Variants in SMAP2 observed in about 807,000 individuals in gnomAD.
The protein encoded by SMAP2 is stromal membrane-associated protein 2.
In SMAP2, 25 loss-of-function variants were observed where a neutral mutation model predicts 56.4. The ratio of observed to expected loss-of-function variants is 0.44; its 90% CI spans 0.32 to 0.62. The LOEUF (loss-of-function observed/expected upper bound fraction) is 0.62, where lower values mean the gene tolerates loss of function less well. Ranked by LOEUF, SMAP2 falls within the 20% of genes least tolerant of loss-of-function variation. SMAP2 has a pLI of 0.04. For missense variants in SMAP2, 388 were observed against 545.6 expected (o/e 0.71, Z 2.88); for synonymous variants, 157 against 181.7 (o/e 0.86, Z 1.09).
intron 9 of SMAP2, among the ~76,000 whole-genome samples, chr1:40,419,773 G>A (rs1176500353): frequency 3.3e-5 from 5 of 152,220 alleles, no homozygotes; most frequent in African/African-American, 9.6e-5. Context: ...AATACAAAGT[G>A]ATTTAATGTG....
rs368853654 is a variant in SMAP2, at chr1:40,406,886, T to G, written c.237+17T>G. 4.2e-5 allele frequency: 67 copies of G among 1,597,356 alleles called. No individual in the cohort carries two copies. The highest frequency in any genetic ancestry group is 5.6e-5 in the Non-Finnish European group (66 of 1,169,238). ...CAGATTCAGGTACTTAGCCCAAGAG[T>G]GAGTCAGCTGCTTCCATATATCTAT... On this transcript the variant is annotated intron_variant, in intron 2 of 9. Transcript: ENST00000372718.
intron 1 of SMAP2, among the ~76,000 whole-genome samples, chr1:40,389,011 G>C (rs1644690027): frequency 6.6e-6 from 1 of 151,928 alleles, no homozygotes; most frequent in Non-Finnish European, 1.5e-5. Flanking sequence ...AACCCCACCA[G>C]AAGGAAGAAA....
At chr1:40,380,986 A>C (rs1644592946) in intron 1 of SMAP2, among the ~76,000 whole-genome samples, 3 of 152,216 alleles carry the variant, frequency 2.0e-5, no homozygotes, top group Admixed American at 2.0e-4. Flanking sequence ...TCATGGTTAG[A>C]TTGATAGTTT....
In SMAP2 at chr1:40,399,701, C is replaced by CA. The variant is rs35452622; in HGVS notation, c.104-7022dup. On this transcript the variant is annotated intron_variant, in intron 1 of 9. Coordinates refer to ENST00000372718, the MANE Select transcript of SMAP2 (RefSeq NM_022733.3). ...TGGGTGAGAGAGTAAGACCCTGTCTCAAAAAAAAAAAAAGAAAAGAAAAGA... is the reference window on the plus strand; with the variant it reads ...TGGGTGAGAGAGTAAGACCCTGTCTCAAAAAAAAAAAAAAGAAAAGAAAAGA... Among the ~76,000 whole-genome samples, 58 of 116,472 alleles carry CA rather than the reference C, an allele frequency of 5.0e-4. 1 individual carries two copies. Among genetic ancestry groups the CA allele is most frequent in the South Asian group, 4.1e-3 (14 of 3,438 alleles). The allele number at this position is 116,472 out of a possible 152,430, so 76.4% of individuals were successfully genotyped here. A position where few individuals can be genotyped will look rare whatever the true frequency, so the allele number is the denominator to read the frequency against.
chr1:40,372,090 T>C (rs530358805), upstream of SMAP2, among the ~76,000 whole-genome samples: 84 of 152,294 alleles, frequency 5.5e-4, no homozygotes, highest in Non-Finnish European at 9.7e-4. Flanking sequence ...CTAAAGGATT[T>C]TTTAAGCAGG....
At chr1:40,348,415 C>T (rs897220637) in intron 1 of SMAP2, among the ~76,000 whole-genome samples, 1 of 152,088 alleles carries the variant, frequency 6.6e-6, no homozygotes, top group Admixed American at 6.6e-5. Flanking sequence ...TAATTTTAGG[C>T]CAGGCACAGT....
intron 1 of SMAP2, among the ~76,000 whole-genome samples, chr1:40,360,404 A>G (rs1383368314): frequency 1.3e-5 from 2 of 148,714 alleles, no homozygotes; most frequent in Non-Finnish European, 3.0e-5. Context: ...CTCAGGTTCA[A>G]GTGATTCTCC....
intron 1 of SMAP2, among the ~76,000 whole-genome samples, chr1:40,387,982 G>T (rs1644676391): frequency 6.6e-6 from 1 of 152,154 alleles, no homozygotes; most frequent in Non-Finnish European, 1.5e-5. Context: ...GGCAATGAGG[G>T]GCTTAGCACC....
At chr1:40,396,819 C>A in intron 1 of SMAP2, 2 of 984,936 alleles carry the variant, frequency 2.0e-6, no homozygotes, top group Non-Finnish European at 2.4e-6. Context: ...TTCCAAGATC[C>A]CACTGGTGTT....
intron 1 of SMAP2, among the ~76,000 whole-genome samples, chr1:40,376,657 A>T (rs1177146174): frequency 6.6e-6 from 1 of 152,230 alleles, no homozygotes; most frequent in Admixed American, 6.5e-5. Flanking sequence ...AGACGTTTGG[A>T]TCAATAAATT....
chr1:40,346,012 G>T (rs1569808777), intron 1 of SMAP2, among the ~76,000 whole-genome samples: 1 of 103,740 alleles, frequency 9.6e-6, no homozygotes, highest in Non-Finnish European at 1.8e-5. Context: ...AGGTCTTGCT[G>T]TGTTGAGACC....
At chr1:40,358,927 T>C (rs1220208494) in intron 1 of SMAP2, among the ~76,000 whole-genome samples, 1 of 152,190 alleles carries the variant, frequency 6.6e-6, no homozygotes, top group Non-Finnish European at 1.5e-5. Flanking sequence ...GATATATACA[T>C]CCTCTTGCTG....
intron 6 of SMAP2, 28 bp from the exon 7 acceptor site, chr1:40,415,244 G>C (rs1461693419): frequency 6.5e-7 from 1 of 1,537,396 alleles, no homozygotes. Flanking sequence ...AAGCAGTGCT[G>C]CATCTTAACT....
At chr1:40,402,666 A>G (rs901692607) in intron 1 of SMAP2, among the ~76,000 whole-genome samples, 10 of 151,664 alleles carry the variant, frequency 6.6e-5, no homozygotes, top group African/African-American at 2.4e-4. Flanking sequence ...GGCCAGGCTG[A>G]CTAACTGTAT....
chr1:40,347,071 T>A (rs971456921), intron 1 of SMAP2, among the ~76,000 whole-genome samples: 1 of 150,384 alleles, frequency 6.6e-6, no homozygotes, highest in African/African-American at 2.5e-5. Flanking sequence ...TGAGACACGG[T>A]CTCACTCTGT....
Position 40,406,747 on chromosome 1 carries a change from G to A in SMAP2, c.115G>A (p.Ala39Thr). Residue 39 changes from alanine (A) to threonine (T), a missense_variant, in exon 2 of 10, where the codon GCC (alanine) becomes ACC (threonine). Transcript: ENST00000372718. ...CCTGACTTTCACAGGGCCGCGATGGGCCTCTTGGAACATTGGTGTGTTCAT... is the reference window on the plus strand; with the variant it reads ...CCTGACTTTCACAGGGCCGCGATGGACCTCTTGGAACATTGGTGTGTTCAT... ...ADCQSKGPRW[A>T]SWNIGVFICI... 6.2e-7 allele frequency: 1 copy of A among 1,613,128 alleles called. No individual in the cohort carries two copies. The highest frequency in any genetic ancestry group is 1.1e-5 in the South Asian group (1 of 90,988).
intron 5 of SMAP2, 36 bp from the exon 6 acceptor site, chr1:40,414,123 C>T: frequency 6.3e-7 from 1 of 1,599,872 alleles, no homozygotes; most frequent in Non-Finnish European, 8.6e-7. Context: ...TCAAAACCAC[C>T]TGCTTATTTC....
intron 5 of SMAP2, among the ~76,000 whole-genome samples, chr1:40,413,746 A>G (rs567361126): frequency 9.2e-5 from 14 of 152,146 alleles, no homozygotes; most frequent in East Asian, 3.9e-4. Context: ...CTTTAAACCA[A>G]CCTCCCTTTT....
At chr1:40,361,839 A>C (rs537552425) in intron 1 of SMAP2, among the ~76,000 whole-genome samples, 1 of 152,282 alleles carries the variant, frequency 6.6e-6, no homozygotes, top group African/African-American at 2.4e-5. Flanking sequence ...TTGATTCCTA[A>C]GGCTTCTGAC....
Sources: gnomAD v4.1 joint callset for allele counts (sites outside exome capture counted in the v4.1 genomes callset) on GRCh38, gnomAD v4.1.1 for gene constraint, MANE v1.5 for transcripts, NCBI Gene and HGNC (gene_info 2026-07-23, HGNC 2026-07-21) for gene names.